Variants in SH3TC1 observed in about 807,000 individuals in gnomAD.
The protein encoded by SH3TC1 is SH3 domain and tetratricopeptide repeat-containing protein 1.
A neutral mutation model predicts 117.3 loss-of-function variants in SH3TC1; 135 were observed. The ratio of observed to expected loss-of-function variants is 1.15; its 90% CI spans 1.00 to 1.33. The LOEUF (loss-of-function observed/expected upper bound fraction) is 1.33. Ranked by LOEUF, SH3TC1 falls within the 40% of genes most tolerant of loss-of-function variation. The probability of loss-of-function intolerance (pLI) is 0.00; values close to 1 mark genes in which losing one functional copy is unlikely to be tolerated. For synonymous variants in SH3TC1, 898 were observed against 816.9 expected, an observed-to-expected ratio of 1.10 and a Z score of -1.69; for missense variants, 2,092 against 1,794.3, an observed-to-expected ratio of 1.17 and a Z score of -3.00.
chr4:8,223,780 G>A (rs1277876308), intron 10 of SH3TC1, among the ~76,000 whole-genome samples: 5 of 152,028 alleles, frequency 3.3e-5, no homozygotes, highest in Admixed American at 6.6e-5. Flanking sequence ...CTACAGGCAC[G>A]CGCCACCACA....
At chr4:8,191,568 C>T (rs1178494643) in intron 1 of SH3TC1, among the ~76,000 whole-genome samples, 9 of 152,188 alleles carry the variant, frequency 5.9e-5, no homozygotes, top group Admixed American at 3.9e-4. Context: ...AATAGGGCAC[C>T]GTCCTAGCCC....
chr4:8,206,106 G>A lies in SH3TC1; in HGVS notation c.172+740G>A, dbSNP rs1045886394. On this transcript the variant is annotated intron_variant, in intron 2 of 17. Transcript: ENST00000245105. This position sits in a 1 kb window ranked among gnomAD's most constrained non-coding sequence, Gnocchi z 5.5. ...GTCACTGTTCAAGGGATTGATGAATGAAGGATGTGTTTGGACAGTGGCGTG... is the reference window on the plus strand; with the variant it reads ...GTCACTGTTCAAGGGATTGATGAATAAAGGATGTGTTTGGACAGTGGCGTG... 1 of 176,726 alleles carries A rather than the reference G, an allele frequency of 5.7e-6. No homozygotes were observed. Among genetic ancestry groups the A allele is most frequent in the Non-Finnish European group, 1.2e-5 (1 of 83,124 alleles). The allele number at this position is 176,726 out of a possible 1,614,324, so 10.9% of individuals were successfully genotyped here.
At chr4:8,194,386 C>G (rs780059111), upstream of SH3TC1, among the ~76,000 whole-genome samples, 1 of 151,728 alleles carries the variant, frequency 6.6e-6, no homozygotes, top group Non-Finnish European at 1.5e-5. Context: ...CGTGGCCATG[C>G]CTGCCGCTTC....
At position 8,219,246 on chromosome 4, in the gene SH3TC1, T is replaced by C; in HGVS notation, c.917-89T>C. On this transcript the variant is annotated intron_variant, in intron 8 of 17. Transcript: ENST00000245105. ...TAGTAACCAAAAGATGAATTCCCCA[T>C]GGTTCAGGGTGGCTGGCATCGGCCC... 3 of 1,293,818 alleles carry C rather than the reference T, an allele frequency of 2.3e-6. No homozygotes were observed. The South Asian group carries it at 4.8e-5, about 21-fold the overall frequency. The allele number at this position is 1,293,818 out of a possible 1,614,324, so 80.1% of individuals were successfully genotyped here.
rs886132686 is a variant in SH3TC1, at chr4:8,212,751, C to G, written c.298C>G (p.Pro100Ala). Residue 100 changes from proline (P) to alanine (A), a missense_variant, in exon 4 of 18, where the codon CCC (proline) becomes GCC (alanine). Physicochemically the swap from Pro to Ala is conservative, Grantham distance 27 (BLOSUM62 -1). Coordinates refer to ENST00000245105, the MANE Select transcript of SH3TC1 (RefSeq NM_018986.5). The part of the protein sequence containing the change: ...AVRRKSRLRD[P>A]GLQQTLRGQL... ...GCGGAGGAAGAGCAGACTGCGGGAC[C>G]CCGGCCTACAGCAGACCCTCCGGGG... is the stretch of plus-strand genomic sequence containing the variant. 6.2e-7 allele frequency: 1 copy of G among 1,612,810 alleles called. No homozygotes were observed. The highest frequency in any genetic ancestry group is 1.1e-5 in the South Asian group (1 of 90,990).
intron 17 of SH3TC1, among the ~76,000 whole-genome samples, chr4:8,240,411 G>A (rs77888509): frequency 0.066 from 10,103 of 152,238 alleles, 505 homozygotes; most frequent in Non-Finnish European, 0.099. Flanking sequence ...GGCAGGATCC[G>A]CCCCAACCTC....
chr4:8,197,240 A>G (rs1224647116), upstream of SH3TC1, among the ~76,000 whole-genome samples: 1 of 152,128 alleles, frequency 6.6e-6, no homozygotes, highest in Non-Finnish European at 1.5e-5. Flanking sequence ...AGCAGGCAGG[A>G]AGAGGCCTCC....
intron 1 of SH3TC1, among the ~76,000 whole-genome samples, chr4:8,204,588 T>A (rs1271852904): frequency 6.6e-6 from 1 of 152,160 alleles, no homozygotes; most frequent in Non-Finnish European, 1.5e-5. Context: ...GTGCTTGCCA[T>A]CCTCCTCTCT....
At chr4:8,188,237 G>A (rs1184137575) in intron 1 of SH3TC1, among the ~76,000 whole-genome samples, 2 of 152,152 alleles carry the variant, frequency 1.3e-5, no homozygotes, top group African/African-American at 2.4e-5. Context: ...TGGCCGAGCT[G>A]TCCCATCTGG....
intron 11 of SH3TC1, 65 bp from the exon 12 acceptor site, chr4:8,226,915 G>T: frequency 2.4e-6 from 3 of 1,258,192 alleles, no homozygotes; most frequent in Non-Finnish European, 1.1e-6. Context: ...AGGGGACCCT[G>T]CCCCCAGTGG....
At chr4:8,218,695 G>A (rs1325917831) in intron 8 of SH3TC1, among the ~76,000 whole-genome samples, 1 of 152,236 alleles carries the variant, frequency 6.6e-6, no homozygotes, top group Non-Finnish European at 1.5e-5. Context: ...CAGTCTCAGA[G>A]TCTAGCCTTC....
chr4:8,204,900 G>A (rs745492591), intron 1 of SH3TC1: 61 of 297,114 alleles, frequency 2.1e-4, no homozygotes, highest in Non-Finnish European at 3.0e-4. Context: ...CGACAGGGAA[G>A]GGGACTCCAG....
chr4:8,186,896 A>C lies in SH3TC1; in HGVS notation c.-57+4686A>C, dbSNP rs1300003013. On this transcript the variant is annotated intron_variant, in intron 1 of 16. Coordinates refer to the SH3TC1 transcript ENST00000508641. The surrounding 1 kb of genome is among the most constrained non-coding windows in gnomAD (Gnocchi z 5.2). ...AAGGTGGAGGTTGCAGTGAGCCGAG[A>C]TCATACCACTGCACTCCAGCCTGGG... Among the ~76,000 whole-genome samples, 2 of 151,130 alleles carry C rather than the reference A, an allele frequency of 1.3e-5. No individual in the cohort carries two copies. Among genetic ancestry groups the C allele is most frequent in the African/African-American group, 4.9e-5 (2 of 40,960 alleles).
At chr4:8,232,818 C>T (rs1238506402) in intron 13 of SH3TC1, 3 of 1,283,706 alleles carry the variant, frequency 2.3e-6, no homozygotes, top group African/African-American at 3.1e-5. Flanking sequence ...CTCAGGTTCA[C>T]AGCAGGAAAA....
In SH3TC1 at chr4:8,240,940, C is replaced by T; in HGVS notation, c.3996C>T (p.Pro1332=). Residue 1332 remains proline, a synonymous_variant, in exon 18 of 18, where the codon CCC becomes CCT. Coordinates refer to ENST00000245105, the MANE Select transcript of SH3TC1 (RefSeq NM_018986.5). ...PLCGWAPWLA[P]SHPR ...GCGGGTGGGCCCCCTGGTTGGCCCCCAGCCACCCTCGCTGAGGACAGCATC... is the reference window on the plus strand; with the variant it reads ...GCGGGTGGGCCCCCTGGTTGGCCCCTAGCCACCCTCGCTGAGGACAGCATC... The T allele has an allele frequency of 6.2e-7, 1 of 1,610,756 alleles. No homozygotes were observed. Among genetic ancestry groups the T allele is most frequent in the Non-Finnish European group, 8.5e-7 (1 of 1,179,972 alleles).
At chr4:8,214,286 T>C (rs73224043) in intron 4 of SH3TC1, among the ~76,000 whole-genome samples, 189 bp from the exon 5 acceptor site, 2,107 of 152,226 alleles carry the variant, frequency 0.014, 32 homozygotes, top group Non-Finnish European at 0.021. Context: ...CCCCACAGGC[T>C]CTGGGGAGCC....
chr4:8,214,636 G>T, intron 5 of SH3TC1, 56 bp downstream of exon 5: 1 of 1,259,130 alleles, frequency 7.9e-7, no homozygotes, highest in Non-Finnish European at 1.2e-6. Flanking sequence ...GAAGGTGCTG[G>T]TTACACACCG....
In SH3TC1 at chr4:8,228,200, G is replaced by A. The variant is rs140746956; in HGVS notation, c.2506G>A (p.Val836Met). 1,379 of 1,609,662 alleles carry A rather than the reference G, an allele frequency of 8.6e-4. 3 individuals are homozygous for A. Among genetic ancestry groups the A allele is most frequent in the South Asian group, 1.9e-3 (174 of 90,686 alleles). ...DHLVALAWLH[V>M]LHGQSPVALD... ...CCTGGTGGCCCTGGCCTGGCTGCACGTGCTTCATGGGCAGAGCCCGGTGGC... is the reference window on the plus strand; with the variant it reads ...CCTGGTGGCCCTGGCCTGGCTGCACATGCTTCATGGGCAGAGCCCGGTGGC... Residue 836 changes from valine to methionine, a missense_variant, in exon 12 of 18, where the codon GTG becomes ATG. Val to Met is a conservative substitution (Grantham distance 21). Coordinates refer to ENST00000245105, the MANE Select transcript of SH3TC1 (RefSeq NM_018986.5).
intron 1 of SH3TC1, among the ~76,000 whole-genome samples, chr4:8,189,165 C>T (rs1265588403): frequency 3.9e-5 from 6 of 152,284 alleles, no homozygotes; most frequent in Non-Finnish European, 8.8e-5. Flanking sequence ...TTGGGCAGCC[C>T]GGCCCCCTGT....
Sources: allele counts gnomAD v4.1 joint callset (sites outside exome capture counted in the v4.1 genomes callset), GRCh38; gene constraint gnomAD v4.1.1; non-coding constraint Gnocchi (gnomAD v3.1); transcripts MANE v1.5; gene names NCBI Gene and HGNC (gene_info 2026-07-23, HGNC 2026-07-21).